Variants in TENM2 observed in about 807,000 individuals in gnomAD.
TENM2 encodes teneurin-2.
Under a neutral mutation model 245.2 loss-of-function variants are expected in TENM2, and 52 were observed. The observed-to-expected ratio is 0.21, with a 90% CI of 0.17 to 0.27. The LOEUF (loss-of-function observed/expected upper bound fraction) is 0.27, where lower values mean the gene tolerates loss of function less well. Ranked by LOEUF, TENM2 falls within the 10% of genes least tolerant of loss-of-function variation. TENM2 has a pLI of 1.00. For missense variants in TENM2, 3,046 were observed against 3,666.8 expected (o/e 0.83, Z 4.37); for synonymous variants, 1,363 against 1,438.9 (o/e 0.95, Z 1.19).
At chr5:168,052,121 G>C (rs1004884408) in intron 6 of TENM2, among the ~76,000 whole-genome samples, 1 of 151,936 alleles carries the variant, frequency 6.6e-6, no homozygotes, top group Non-Finnish European at 1.5e-5. Context: ...AAATAGGCCA[G>C]GTGCAGTGGC....
At chr5:167,467,887 C>T (rs1766769192) in intron 2 of TENM2, among the ~76,000 whole-genome samples, 1 of 152,096 alleles carries the variant, frequency 6.6e-6, no homozygotes, top group Admixed American at 6.6e-5. Flanking sequence ...TGTTCGCTAG[C>T]ACCTTGATCA....
chr5:168,241,337 C>T (rs1581739512), intron 25 of TENM2, among the ~76,000 whole-genome samples: 1 of 151,994 alleles, frequency 6.6e-6, no homozygotes, highest in Admixed American at 6.5e-5. Context: ...CTCACTGCAA[C>T]CTCCACCTCC....
chr5:167,358,838 C>T (rs1192003381), intron 1 of TENM2, among the ~76,000 whole-genome samples: 1 of 124,108 alleles, frequency 8.1e-6, no homozygotes, highest in Non-Finnish European at 1.8e-5. Context: ...CACACACACA[C>T]ACACACACAC....
intron 19 of TENM2, among the ~76,000 whole-genome samples, chr5:168,206,692 T>A (rs1762375540): frequency 6.6e-6 from 1 of 152,098 alleles, no homozygotes; most frequent in Admixed American, 6.5e-5. Context: ...AAGATGTTGT[T>A]TTTGTTTGCT....
intron 3 of TENM2, chr5:167,948,671 C>T (rs553874073): frequency 6.6e-6 from 1 of 152,268 alleles, no homozygotes; most frequent in South Asian, 2.1e-4. Context: ...TAATAGCATA[C>T]TGATTAGGTT....
chr5:167,388,439 C>A (rs1761570079), intron 2 of TENM2, among the ~76,000 whole-genome samples: 1 of 151,934 alleles, frequency 6.6e-6, no homozygotes, highest in African/African-American at 2.4e-5. Flanking sequence ...CAATTTTATT[C>A]ATCTCTGCAA....
At chr5:167,597,152 T>C (rs1776272374) in intron 2 of TENM2, among the ~76,000 whole-genome samples, 1 of 116,942 alleles carries the variant, frequency 8.6e-6, no homozygotes, top group Admixed American at 1.0e-4. Flanking sequence ...TTTCTTTTCT[T>C]TTCTTTTCTT....
intron 25 of TENM2, among the ~76,000 whole-genome samples, chr5:168,234,497 A>T (rs1371407348): frequency 6.6e-6 from 1 of 152,120 alleles, no homozygotes; most frequent in Non-Finnish European, 1.5e-5. Flanking sequence ...TAAAATATAA[A>T]TATCCCAAAT....
chr5:168,165,627 C>T (rs1423515221), intron 13 of TENM2, among the ~76,000 whole-genome samples: 1 of 117,064 alleles, frequency 8.5e-6, no homozygotes, highest in Admixed American at 1.0e-4. Context: ...CCACCAGGCA[C>T]AATTCAGGAT....
At chr5:167,730,999 C>T (rs1397713488) in intron 2 of TENM2, among the ~76,000 whole-genome samples, 3 of 152,064 alleles carry the variant, frequency 2.0e-5, no homozygotes, top group Non-Finnish European at 4.4e-5. Context: ...TAGGATGCAC[C>T]TAGTTTTACT....
In TENM2 at chr5:168,139,902, G is replaced by T. The variant is rs536735990; in HGVS notation, c.2422+12936G>T. On this transcript the variant is annotated intron_variant, in intron 12 of 28. Coordinates refer to ENST00000518659, the Ensembl canonical transcript of TENM2. ...CCAGATATTTGGATTGTTATGTATGGTCTCCCAATTTTCAAATGCTGGCAA... is the reference window on the plus strand; with the variant it reads ...CCAGATATTTGGATTGTTATGTATGTTCTCCCAATTTTCAAATGCTGGCAA... 2.0e-4 allele frequency among the ~76,000 whole-genome samples: 30 copies of T among 152,242 alleles called. No homozygotes were observed. In the Middle Eastern group the frequency reaches 0.024, roughly 121 times the overall value.
At chr5:168,136,996 GT>G (rs2152389951) in intron 12 of TENM2, among the ~76,000 whole-genome samples, 1 of 152,260 alleles carries the variant, frequency 6.6e-6, no homozygotes, top group Non-Finnish European at 1.5e-5. Context: ...TAGACTCCAG[GT>G]TCCAAACAGT....
chr5:167,360,386 C>T (rs1309819907), intron 1 of TENM2, among the ~76,000 whole-genome samples: 2 of 152,044 alleles, frequency 1.3e-5, no homozygotes, highest in Admixed American at 1.3e-4. Flanking sequence ...TAGTAAGCAC[C>T]AATAATATTG....
At chr5:168,088,952 AG>A (rs2152239886) in intron 7 of TENM2, among the ~76,000 whole-genome samples, 1 of 152,296 alleles carries the variant, frequency 6.6e-6, no homozygotes, top group East Asian at 1.9e-4. Context: ...TTTTTATGGA[AG>A]GGAAAGTGGA....
chr5:167,189,044 C>T, the TENM2 span, among the ~76,000 whole-genome samples: 1 of 152,056 alleles, frequency 6.6e-6, no homozygotes, highest in African/African-American at 2.4e-5. Context: ...TTCATGTATG[C>T]AGTAATTCAC....
At chr5:167,131,807 ATTTG>A in the TENM2 span, among the ~76,000 whole-genome samples, 43 of 151,916 alleles carry the variant, frequency 2.8e-4, no homozygotes, top group East Asian at 1.6e-3. Context: ...GGTGTTTTTT[ATTTG>A]TTTGTTTGTT....
chr5:167,108,312 G>A, the TENM2 span, among the ~76,000 whole-genome samples: 2 of 152,120 alleles, frequency 1.3e-5, no homozygotes. Flanking sequence ...TTTTAGTAGA[G>A]ATGGGGTTTC....
At chr5:166,980,352 G>C in the TENM2 span, among the ~76,000 whole-genome samples, 1 of 152,088 alleles carries the variant, frequency 6.6e-6, no homozygotes, top group East Asian at 1.9e-4. Flanking sequence ...GGAGGGGAGG[G>C]TTCTGCATAC....
At chr5:167,153,331 G>A in the TENM2 span, among the ~76,000 whole-genome samples, 1 of 151,860 alleles carries the variant, frequency 6.6e-6, no homozygotes, top group African/African-American at 2.4e-5. Flanking sequence ...ATAAAGTAAA[G>A]TAAGCTAGGG....
Sources: gnomAD v4.1 joint callset for allele counts (sites outside exome capture counted in the v4.1 genomes callset) on GRCh38, gnomAD v4.1.1 for gene constraint, MANE v1.5 for transcripts, NCBI Gene and HGNC (gene_info 2026-07-23, HGNC 2026-07-21) for gene names.